The following DPP10 variants were observed in gnomAD, a reference collection of about 807,000 sequenced individuals.
DPP10 encodes inactive dipeptidyl peptidase 10.
Under a neutral mutation model 120.9 loss-of-function variants are expected in DPP10, and 33 were observed. The ratio of observed to expected loss-of-function variants is 0.27; its 90% CI spans 0.21 to 0.37. The LOEUF (loss-of-function observed/expected upper bound fraction) is 0.37. DPP10 is among the 10% of genes least tolerant of loss of function. DPP10 has a pLI of 1.00. For synonymous variants in DPP10, 337 were observed against 326.1 expected (o/e 1.03, Z -0.36); for missense variants, 816 against 942.8 (o/e 0.87, Z 1.76).
intron 1 of DPP10, among the ~76,000 whole-genome samples, chr2:114,826,737 C>A (rs932739245): frequency 6.6e-6 from 1 of 152,106 alleles, no homozygotes; most frequent in Non-Finnish European, 1.5e-5. Flanking sequence ...ACCATATTGG[C>A]CAGGCTGGTC....
intron 1 of DPP10, among the ~76,000 whole-genome samples, chr2:114,991,064 AT>A (rs1464133786): frequency 2.0e-5 from 3 of 152,232 alleles, no homozygotes; most frequent in Non-Finnish European, 4.4e-5. Flanking sequence ...CTATAACTAC[AT>A]AACAGAAAAT....
At chr2:114,922,639 C>T (rs960955173) in intron 1 of DPP10, among the ~76,000 whole-genome samples, 1 of 152,156 alleles carries the variant, frequency 6.6e-6, no homozygotes, top group African/African-American at 2.4e-5. Context: ...TGGTACTACA[C>T]AGTATCTGAT....
At chr2:115,790,111 C>T (rs1287434190) in intron 17 of DPP10, among the ~76,000 whole-genome samples, 2 of 149,244 alleles carry the variant, frequency 1.3e-5, no homozygotes, top group Non-Finnish European at 3.0e-5. Flanking sequence ...CTCGCTCTGT[C>T]GCCCAGGCCG....
intron 1 of DPP10, among the ~76,000 whole-genome samples, chr2:114,451,721 C>T (rs924204281): frequency 6.6e-6 from 1 of 152,050 alleles, no homozygotes; most frequent in Non-Finnish European, 1.5e-5. Flanking sequence ...TTTGGCTGTA[C>T]TCTGACGGCA....
intron 1 of DPP10, among the ~76,000 whole-genome samples, chr2:114,911,516 G>T (rs1327504299): frequency 6.6e-6 from 1 of 152,116 alleles, no homozygotes; most frequent in Non-Finnish European, 1.5e-5. Flanking sequence ...TCATAAGCTG[G>T]GTATCATCAT....
At chr2:115,625,456 A>C (rs1441395048) in intron 5 of DPP10, among the ~76,000 whole-genome samples, 1 of 152,160 alleles carries the variant, frequency 6.6e-6, no homozygotes, top group African/African-American at 2.4e-5. Context: ...TTTAGACTTC[A>C]TTATGACAGT....
chr2:115,559,495 G>A (rs561045495), intron 5 of DPP10, among the ~76,000 whole-genome samples: 119 of 152,078 alleles, frequency 7.8e-4, no homozygotes, highest in African/African-American at 2.3e-3. Flanking sequence ...TTGTTTTACC[G>A]TTTGATTTCT....
intron 1 of DPP10, among the ~76,000 whole-genome samples, chr2:114,789,922 A>AAAC (rs1302945178): frequency 6.6e-6 from 1 of 152,244 alleles, no homozygotes; most frequent in Non-Finnish European, 1.5e-5. Flanking sequence ...TTATGAAATA[A>AAAC]AACAACACAT....
chr2:115,469,218 G>A (rs898911097), intron 3 of DPP10, among the ~76,000 whole-genome samples: 3 of 152,148 alleles, frequency 2.0e-5, no homozygotes, highest in Non-Finnish European at 4.4e-5. Context: ...ATAGGAAAGT[G>A]AAATATAAAG....
intron 1 of DPP10, among the ~76,000 whole-genome samples, chr2:114,607,394 C>A (rs1217615189): frequency 6.6e-6 from 1 of 152,112 alleles, no homozygotes; most frequent in African/African-American, 2.4e-5. Context: ...CAAAAGGGAC[C>A]TTGGGGTGTA....
At chr2:114,867,705 C>T (rs554645311) in intron 1 of DPP10, among the ~76,000 whole-genome samples, 5 of 152,362 alleles carry the variant, frequency 3.3e-5, no homozygotes, top group Admixed American at 2.0e-4. Flanking sequence ...ATTTTCATGC[C>T]TCCACGATGT....
intron 12 of DPP10, among the ~76,000 whole-genome samples, chr2:115,763,634 G>A (rs1215801848): frequency 2.0e-5 from 3 of 151,934 alleles, no homozygotes; most frequent in East Asian, 1.9e-4. Flanking sequence ...GTCCATGTTC[G>A]AACTACAGAT....
At chr2:114,822,451 CA>C (rs1686179667) in intron 1 of DPP10, among the ~76,000 whole-genome samples, 1 of 152,106 alleles carries the variant, frequency 6.6e-6, no homozygotes, top group Non-Finnish European at 1.5e-5. Flanking sequence ...GGGGCTGCCA[CA>C]AAGGTCTCTG....
intron 1 of DPP10, chr2:115,162,272 G>A (rs1342856060): frequency 3.2e-6 from 5 of 1,553,436 alleles, no homozygotes; most frequent in Non-Finnish European, 2.6e-6. Flanking sequence ...GGGGCAGAGA[G>A]GTAAAGGCTG....
At chr2:115,120,390 C>G (rs1170562549) in intron 1 of DPP10, among the ~76,000 whole-genome samples, 1 of 152,134 alleles carries the variant, frequency 6.6e-6, no homozygotes, top group Admixed American at 6.5e-5. Flanking sequence ...AAGTTCCAGA[C>G]TAGTTAGTCA....
intron 1 of DPP10, among the ~76,000 whole-genome samples, chr2:115,019,808 G>A (rs911082248): frequency 2.0e-5 from 3 of 152,092 alleles, no homozygotes; most frequent in African/African-American, 4.8e-5. Context: ...CAGATTAACA[G>A]CAGATTTCTC....
chr2:114,874,958 GC>G (rs1252281364), intron 1 of DPP10, among the ~76,000 whole-genome samples: 1 of 152,106 alleles, frequency 6.6e-6, no homozygotes, highest in African/African-American at 2.4e-5. Flanking sequence ...TCAGGTATAT[GC>G]CAGGTTCAAC....
rs1010440935 is a variant in DPP10 at position 115,141,902 on chromosome 2, T to G, written c.61-167337T>G. ...AATTCTTGTGCCTCAGCCTCCCGTG[T>G]AGGGGGGACTACAGGTGCGCGCCAC... On this transcript the variant is annotated intron_variant, in intron 1 of 25. Coordinates refer to ENST00000410059, the MANE Select transcript of DPP10 (RefSeq NM_020868.6). Among the ~76,000 whole-genome samples, 4 of 152,168 alleles carry G rather than the reference T, an allele frequency of 2.6e-5. No homozygotes were observed. The South Asian group carries it at 8.3e-4, about 31-fold the overall frequency.
At chr2:114,519,344 A>G (rs1558837255) in intron 1 of DPP10, among the ~76,000 whole-genome samples, 1 of 152,198 alleles carries the variant, frequency 6.6e-6, no homozygotes, top group African/African-American at 2.4e-5. Flanking sequence ...ACGAGACCTC[A>G]CTTTACTAGC....
Sources: gnomAD v4.1 joint callset for allele counts (sites outside exome capture counted in the v4.1 genomes callset) on GRCh38, gnomAD v4.1.1 for gene constraint, MANE v1.5 for transcripts, NCBI Gene and HGNC (gene_info 2026-07-23, HGNC 2026-07-21) for gene names.